The following RBMS3 variants were observed in gnomAD, a reference collection of about 807,000 sequenced individuals.
RBMS3 encodes the protein RNA binding motif single stranded interacting protein 3.
Under a neutral mutation model 66.8 loss-of-function variants are expected in RBMS3, and 27 were observed. The observed-to-expected ratio is 0.40, with a 90% CI of 0.30 to 0.56. The LOEUF (loss-of-function observed/expected upper bound fraction) is 0.56, where lower values mean the gene tolerates loss of function less well. RBMS3 is among the 20% of genes least tolerant of loss of function. The probability of loss-of-function intolerance (pLI) is 0.40; values close to 1 mark genes in which losing one functional copy is unlikely to be tolerated. For synonymous variants in RBMS3, 188 were observed against 183.0 expected, an observed-to-expected ratio of 1.03 and a Z score of -0.22; for missense variants, 513 against 549.5, an observed-to-expected ratio of 0.93 and a Z score of 0.66.
At chr3:29,995,925 T>C (rs1194418061) in intron 14 of RBMS3, among the ~76,000 whole-genome samples, 3 of 151,856 alleles carry the variant, frequency 2.0e-5, no homozygotes, top group South Asian at 2.1e-4. Context: ...CAATATTAAC[T>C]TTAAATGTAA....
intron 3 of RBMS3, among the ~76,000 whole-genome samples, chr3:29,545,161 A>G (rs2045906778): frequency 6.6e-6 from 1 of 152,176 alleles, no homozygotes; most frequent in South Asian, 2.1e-4. Flanking sequence ...GATACTACAT[A>G]TTCAGTAAAT....
chr3:29,699,528 A>G (rs1055341944), intron 4 of RBMS3, among the ~76,000 whole-genome samples: 1 of 150,082 alleles, frequency 6.7e-6, no homozygotes, highest in Non-Finnish European at 1.5e-5. Flanking sequence ...CCAATTTATT[A>G]TTAACTCTTT....
chr3:29,712,869 C>G (rs1340997395), intron 4 of RBMS3, among the ~76,000 whole-genome samples: 3 of 152,144 alleles, frequency 2.0e-5, no homozygotes, highest in Non-Finnish European at 4.4e-5. Context: ...AAATACATCT[C>G]CAGTTTCCCA....
At chr3:29,289,251 G>A (rs2032621357) in intron 1 of RBMS3, among the ~76,000 whole-genome samples, 2 of 151,882 alleles carry the variant, frequency 1.3e-5, no homozygotes, top group African/African-American at 4.8e-5. Flanking sequence ...GAACTGTTAA[G>A]AGAAGGGTGG....
chr3:29,714,472 G>A lies in RBMS3; in HGVS notation c.400-25248G>A, dbSNP rs147917890. On this transcript the variant is annotated intron_variant, in intron 4 of 14. Coordinates refer to ENST00000383767, the MANE Select transcript of RBMS3 (RefSeq NM_001003793.3). ...GTGGAAATGTTGAATAGACAGCCACGTATGTGAGTCTGGAGACAAGGAAAA... is the reference window on the plus strand; with the variant it reads ...GTGGAAATGTTGAATAGACAGCCACATATGTGAGTCTGGAGACAAGGAAAA... Among the ~76,000 whole-genome samples, 374 of 152,242 alleles carry A rather than the reference G, an allele frequency of 2.5e-3. 5 individuals are homozygous for A. Among genetic ancestry groups the A allele is most frequent in the African/African-American group, 8.5e-3 (353 of 41,554 alleles).
intron 1 of RBMS3, among the ~76,000 whole-genome samples, chr3:29,340,329 CCTTTAGCACATTTA>C (rs1457847424): frequency 6.6e-6 from 1 of 152,122 alleles, no homozygotes; most frequent in Non-Finnish European, 1.5e-5. Context: ...GCCTTGTCTT[CCTTTAGCACATTTA>C]CTTTTTCTGT....
intron 4 of RBMS3, among the ~76,000 whole-genome samples, chr3:29,717,846 C>A (rs1021055392): frequency 6.6e-6 from 1 of 152,042 alleles, no homozygotes; most frequent in Non-Finnish European, 1.5e-5. Flanking sequence ...CTTCATTATG[C>A]CCCGTGGCTT....
At chr3:29,936,619 A>G (rs2061271654) in intron 11 of RBMS3, among the ~76,000 whole-genome samples, 1 of 152,132 alleles carries the variant, frequency 6.6e-6, no homozygotes, top group Admixed American at 6.6e-5. Flanking sequence ...GACTGATACT[A>G]TTAAATCAAT....
chr3:29,645,160 G>A (rs1389588618), intron 4 of RBMS3, among the ~76,000 whole-genome samples: 5 of 152,144 alleles, frequency 3.3e-5, no homozygotes, highest in African/African-American at 1.2e-4. Context: ...TGCAGGAGAT[G>A]CAAAAAAAGA....
chr3:29,293,127 T>C (rs996753912), intron 1 of RBMS3, among the ~76,000 whole-genome samples: 1 of 151,866 alleles, frequency 6.6e-6, no homozygotes, highest in Non-Finnish European at 1.5e-5. Context: ...AAAAGCCTTC[T>C]TGATGCTTTT....
chr3:29,631,786 C>T lies in RBMS3; in HGVS notation c.399+44581C>T, dbSNP rs553692418. On this transcript the variant is annotated intron_variant, in intron 4 of 14. Transcript: ENST00000383767. ...TGTTCTGTTTGCAGAGTACCTTTCA[C>T]TTGCTAATGATCTGTGCAAATTAAA... 2.6e-5 allele frequency among the ~76,000 whole-genome samples: 4 copies of T among 151,972 alleles called. No homozygotes were observed. In the East Asian group the frequency reaches 7.7e-4, roughly 29 times the overall value.
intron 1 of RBMS3, among the ~76,000 whole-genome samples, chr3:29,369,487 AACACACACACACACACACAC>A (rs59274434): frequency 1.5e-3 from 205 of 135,356 alleles, no homozygotes; most frequent in South Asian, 4.4e-3. Flanking sequence ...ATCACTCCTT[AACACACACACACACACACAC>A]ACACACACAC....
At chr3:29,530,930 C>G (rs976842394) in intron 3 of RBMS3, among the ~76,000 whole-genome samples, 45 of 151,822 alleles carry the variant, frequency 3.0e-4, no homozygotes, top group Admixed American at 2.8e-3. Context: ...GTTTTGTATC[C>G]ATAAACATGT....
intron 6 of RBMS3, among the ~76,000 whole-genome samples, chr3:29,767,900 A>G (rs1422407081): frequency 6.6e-6 from 1 of 152,014 alleles, no homozygotes. Context: ...GTAACAGTCT[A>G]TTAAGTCCAC....
chr3:29,296,842 A>G (rs1302544969), intron 1 of RBMS3, among the ~76,000 whole-genome samples: 2 of 151,596 alleles, frequency 1.3e-5, no homozygotes, highest in East Asian at 2.0e-4. Context: ...TTGGAAACTC[A>G]GGGAGTTTTT....
chr3:29,709,986 G>A (rs1384276170), intron 4 of RBMS3, among the ~76,000 whole-genome samples: 2 of 152,220 alleles, frequency 1.3e-5, no homozygotes, highest in East Asian at 3.9e-4. Context: ...GAAAAAACAC[G>A]TTACCATTTT....
At chr3:29,472,754 G>T (rs2042781850) in intron 2 of RBMS3, among the ~76,000 whole-genome samples, 1 of 152,096 alleles carries the variant, frequency 6.6e-6, no homozygotes, top group Non-Finnish European at 1.5e-5. Context: ...TTCGCGGTGA[G>T]TGTTACAGCT....
chr3:29,717,746 G>T (rs896051063), intron 4 of RBMS3, among the ~76,000 whole-genome samples: 1 of 152,078 alleles, frequency 6.6e-6, no homozygotes, highest in African/African-American at 2.4e-5. Flanking sequence ...CAGACTCAGT[G>T]ATTCTAGTAT....
intron 3 of RBMS3, among the ~76,000 whole-genome samples, chr3:29,575,827 C>T (rs1072995): frequency 0.082 from 12,487 of 151,934 alleles, 563 homozygotes; most frequent in South Asian, 0.11. Context: ...TTTTTAAACT[C>T]TAGAATTTCT....
Sources: allele counts gnomAD v4.1 joint callset (sites outside exome capture counted in the v4.1 genomes callset), GRCh38; gene constraint gnomAD v4.1.1; transcripts MANE v1.5; gene names NCBI Gene and HGNC (gene_info 2026-07-23, HGNC 2026-07-21).